The following CCDC141 variants were observed in gnomAD, a reference collection of about 807,000 sequenced individuals.
CCDC141 encodes the protein coiled-coil domain containing 141, also known as coiled-coil domain-containing protein 141.
Under a neutral mutation model 181.0 loss-of-function variants are expected in CCDC141, and 168 were observed. The observed-to-expected ratio is 0.93, with a 90% CI of 0.82 to 1.05. CCDC141 has a LOEUF of 1.05. CCDC141 is among the 50% of genes least tolerant of loss of function. The pLI is 0.00. For missense variants in CCDC141, 1,902 were observed against 1,788.5 expected (o/e 1.06, Z -1.14); for synonymous variants, 666 against 642.3 (o/e 1.04, Z -0.56).
intron 6 of CCDC141, among the ~76,000 whole-genome samples, chr2:178,923,358 C>T (rs1228207629): frequency 6.6e-6 from 1 of 152,142 alleles, no homozygotes; most frequent in East Asian, 1.9e-4. Context: ...CCCGCCTCGG[C>T]CTCCCAAAGT....
intron 2 of CCDC141, among the ~76,000 whole-genome samples, chr2:179,021,442 T>C (rs1352993217): frequency 6.6e-6 from 1 of 152,180 alleles, no homozygotes; most frequent in Non-Finnish European, 1.5e-5. Context: ...AAATAGAAGC[T>C]GCAGCTAATG....
chr2:178,918,957 G>A (rs1173489475), intron 6 of CCDC141, 50 bp from the exon 7 acceptor site: 7 of 1,451,794 alleles, frequency 4.8e-6, no homozygotes, highest in East Asian at 2.5e-5. Flanking sequence ...GTTATGGACC[G>A]AATGCTTGTG....
intron 2 of CCDC141, among the ~76,000 whole-genome samples, chr2:178,981,704 A>G (rs113610345): frequency 5.5e-5 from 2 of 36,068 alleles, no homozygotes; most frequent in African/African-American, 1.8e-4. Context: ...AGAGAGAGAA[A>G]AAAAAACCTA....
rs10649193 is a variant in CCDC141 at position 178,945,853 on chromosome 2, G to GCACACACACACA, written c.781-1214_781-1203dup. Among the ~76,000 whole-genome samples, 202 of 149,562 alleles carry GCACACACACACA rather than the reference G, an allele frequency of 1.4e-3. 2 individuals are homozygous for GCACACACACACA. The highest frequency in any genetic ancestry group is 8.9e-3 in the East Asian group (45 of 5,040). ...CAATAAATGCACATGACACATGCGT[G>GCACACACACACA]CACACACACACACACACACACACAT... On this transcript the variant is annotated intron_variant, in intron 5 of 23. Coordinates refer to ENST00000443758, the MANE Select transcript of CCDC141 (RefSeq NM_173648.4).
intron 4 of CCDC141, among the ~76,000 whole-genome samples, chr2:178,972,516 T>C (rs1189253572): frequency 2.6e-5 from 4 of 152,212 alleles, no homozygotes; most frequent in Admixed American, 1.3e-4. Context: ...AATGTGTACA[T>C]GTCCTGCTAA....
intron 17 of CCDC141, among the ~76,000 whole-genome samples, chr2:178,857,350 A>AT (rs1312471695): frequency 6.6e-6 from 1 of 152,180 alleles, no homozygotes; most frequent in Non-Finnish European, 1.5e-5. Context: ...GTTAAAAATT[A>AT]TTTTTCGTGA....
intron 6 of CCDC141, among the ~76,000 whole-genome samples, chr2:178,940,076 A>C (rs1345576795): frequency 1.3e-5 from 2 of 152,208 alleles, no homozygotes; most frequent in Non-Finnish European, 2.9e-5. Context: ...AAAACAGAAA[A>C]CCATTTATGA....
chr2:178,862,139 A>G (rs1223811514), intron 17 of CCDC141, among the ~76,000 whole-genome samples: 1 of 152,196 alleles, frequency 6.6e-6, no homozygotes, highest in East Asian at 1.9e-4. Context: ...ATTTATTCGA[A>G]TTGAAAAAAG....
chr2:178,979,581 T>C (rs990719400), intron 2 of CCDC141, among the ~76,000 whole-genome samples: 4 of 152,182 alleles, frequency 2.6e-5, no homozygotes, highest in Admixed American at 6.5e-5. Flanking sequence ...TCAACCAATT[T>C]GTGTTTGCTA....
chr2:178,915,844 G>A (rs1229850751), intron 7 of CCDC141: 2 of 152,196 alleles, frequency 1.3e-5, no homozygotes, highest in Non-Finnish European at 2.9e-5. Context: ...CCTATTTGCT[G>A]TAAAACTACA....
intron 6 of CCDC141, among the ~76,000 whole-genome samples, chr2:178,938,025 T>G (rs1689360192): frequency 6.6e-6 from 1 of 152,132 alleles, no homozygotes; most frequent in African/African-American, 2.4e-5. Context: ...CTGGATTCAT[T>G]GATCTTTTGA....
intron 2 of CCDC141, among the ~76,000 whole-genome samples, chr2:178,980,095 T>C (rs2154380924): frequency 6.6e-6 from 1 of 152,222 alleles, no homozygotes; most frequent in African/African-American, 2.4e-5. Context: ...TTTTTTAAGT[T>C]TTGATTAATT....
intron 2 of CCDC141, among the ~76,000 whole-genome samples, chr2:179,015,337 C>CCCA (rs2042448920): frequency 2.1e-5 from 3 of 140,600 alleles, no homozygotes; most frequent in African/African-American, 7.9e-5. Context: ...TCATACATAT[C>CCCA]TCATATATGT....
Position 178,905,387 on chromosome 2 carries a change from A to T in CCDC141, c.1207T>A (p.Cys403Ser). Reference protein sequence around the residue: ...HEELHRKIKDCTTDALQKGQT... With the variant: ...HEELHRKIKDSTTDALQKGQT... ...CCCTTTTGCAAAGCATCAGTTGTGC[A>T]GTCTTTAATTTTTCTGTGTAATTCC... Residue 403 changes from cysteine to serine, a missense_variant, in exon 8 of 24, where the codon TGC becomes AGC. Physicochemically the swap from Cys to Ser is moderately radical, Grantham distance 112. Transcript: ENST00000443758. 6.4e-7 allele frequency: 1 copy of T among 1,550,728 alleles called. No homozygotes were observed. The highest frequency in any genetic ancestry group is 8.7e-7 in the Non-Finnish European group (1 of 1,146,972).
At chr2:178,871,620 G>A in intron 13 of CCDC141, 68 bp from the exon 14 acceptor site, 15 of 1,559,114 alleles carry the variant, frequency 9.6e-6, no homozygotes, top group Non-Finnish European at 1.2e-5. Context: ...GATCATTCTA[G>A]GTATGACGCA....
intron 21 of CCDC141, among the ~76,000 whole-genome samples, chr2:178,849,265 G>A (rs1685066353): frequency 1.3e-5 from 2 of 152,112 alleles, no homozygotes; most frequent in Non-Finnish European, 2.9e-5. Context: ...TCAATCCTCC[G>A]GGCTACCCTG....
At chr2:178,878,268 C>A in intron 11 of CCDC141, 125 bp from the exon 12 acceptor site, 1 of 344,002 alleles carries the variant, frequency 2.9e-6, no homozygotes, top group Non-Finnish European at 4.8e-6. Flanking sequence ...AATTTGTAAA[C>A]ATATTTATTT....
intron 2 of CCDC141, among the ~76,000 whole-genome samples, chr2:179,026,420 G>A (rs1357934039): frequency 6.6e-6 from 1 of 152,230 alleles, no homozygotes; most frequent in Non-Finnish European, 1.5e-5. Flanking sequence ...TCCATGTGAT[G>A]TTGAGCCTAC....
the CCDC141 span, among the ~76,000 whole-genome samples, chr2:178,822,701 T>A: frequency 6.6e-6 from 1 of 152,214 alleles, no homozygotes. Flanking sequence ...GATGGCCCTA[T>A]GTTTCTCAGG....
Sources: allele counts gnomAD v4.1 joint callset (sites outside exome capture counted in the v4.1 genomes callset), GRCh38; gene constraint gnomAD v4.1.1; transcripts MANE v1.5; gene names NCBI Gene and HGNC (gene_info 2026-07-23, HGNC 2026-07-21).